Variants in HTT observed in about 807,000 individuals in gnomAD.
The protein encoded by HTT is huntingtin.
HTT carries 104 observed loss-of-function variants against 362.3 expected under a neutral mutation model. The observed-to-expected ratio is 0.29, with a 90% CI of 0.24 to 0.34. HTT has a LOEUF of 0.34. Ranked by LOEUF, HTT falls within the 10% of genes least tolerant of loss-of-function variation. The pLI, the probability that HTT is intolerant of heterozygous loss-of-function variation, is 1.00. For synonymous variants in HTT, 1,577 were observed against 1,548.7 expected, an observed-to-expected ratio of 1.02 and a Z score of -0.43; for missense variants, 3,301 against 3,928.6, an observed-to-expected ratio of 0.84 and a Z score of 4.27.
chr4:3,177,467 A>C (rs1718292476), intron 34 of HTT, 80 bp downstream of exon 34: 2 of 932,486 alleles, frequency 2.1e-6, no homozygotes, highest in African/African-American at 3.4e-5. Flanking sequence ...GTGAATGTTT[A>C]AACTACTGTT....
At chr4:3,208,475 A>G (rs1454080094) in intron 45 of HTT, among the ~76,000 whole-genome samples, 5 of 152,228 alleles carry the variant, frequency 3.3e-5, no homozygotes, top group African/African-American at 9.6e-5. Context: ...TATACTGTGT[A>G]TTGCCTGTTG....
At chr4:3,115,945 A>T in intron 7 of HTT, 140 bp from the exon 8 acceptor site, 1 of 758,312 alleles carries the variant, frequency 1.3e-6, no homozygotes. Flanking sequence ...AGCCATTCCC[A>T]GTGGGCCTCA....
chr4:3,155,751 A>AAAG (rs1717111180), intron 27 of HTT, among the ~76,000 whole-genome samples: 1 of 146,870 alleles, frequency 6.8e-6, no homozygotes, highest in Non-Finnish European at 1.5e-5. Context: ...AAAAAAAAAA[A>AAAG]GCCGGGCATG....
intron 6 of HTT, among the ~76,000 whole-genome samples, chr4:3,109,218 C>T (rs1578505347): frequency 6.6e-6 from 1 of 151,718 alleles, no homozygotes; most frequent in Non-Finnish European, 1.5e-5. Flanking sequence ...TTTCATGTTT[C>T]TTTCTTTCTT....
At chr4:3,167,152 A>G (rs947700023) in intron 29 of HTT, among the ~76,000 whole-genome samples, 10 of 152,170 alleles carry the variant, frequency 6.6e-5, no homozygotes, top group African/African-American at 2.4e-4. Flanking sequence ...GCCCACTGCA[A>G]CCTTTGCCTC....
intron 5 of HTT, 25 bp downstream of exon 5, chr4:3,105,461 GT>G: frequency 2.0e-6 from 3 of 1,508,404 alleles, no homozygotes; most frequent in Non-Finnish European, 2.8e-6. Flanking sequence ...CTGGATGTTG[GT>G]TTTTGTCGGG....
In HTT at chr4:3,240,030, C is replaced by A. The variant is rs778248380; in HGVS notation, c.9400C>A (p.Arg3134=). 1.9e-6 allele frequency: 3 copies of A among 1,597,370 alleles called. No homozygotes were observed. Among genetic ancestry groups the A allele is most frequent in the Non-Finnish European group, 2.6e-6 (3 of 1,171,390 alleles). The part of the protein sequence containing the change: ...SPYHRLLTCL[R]NVHKVTTC ...ATATCACCGGCTGCTGACTTGTTTA[C>A]GAAATGTCCACAAGGTCACCACCTG... The change falls in exon 67 of 67, where the codon CGA becomes AGA. Residue 3134 remains arginine (R), a synonymous_variant. Coordinates refer to ENST00000355072, the MANE Select transcript of HTT (RefSeq NM_001388492.1).
chr4:3,106,226 C>T lies in HTT; in HGVS notation c.608+790C>T, dbSNP rs532873674. On this transcript the variant is annotated intron_variant, in intron 5 of 66. Transcript: ENST00000355072. ...CAAAACTTAGCCAGGCATGGTGGTG[C>T]GTGCCTGTGGTCACAGCCACTCGAG... is the stretch of plus-strand genomic sequence containing the variant. 3.3e-5 allele frequency among the ~76,000 whole-genome samples: 5 copies of T among 152,222 alleles called. No homozygotes were observed. The East Asian group carries it at 9.7e-4, about 29-fold the overall frequency.
intron 8 of HTT, among the ~76,000 whole-genome samples, chr4:3,118,138 C>G (rs1040082718): frequency 1.4e-4 from 21 of 152,238 alleles, no homozygotes; most frequent in Middle Eastern, 3.4e-3. Context: ...ACACCTTTTT[C>G]TCTTCTCTGT....
At chr4:3,154,033 C>T (rs556771692) in intron 26 of HTT, among the ~76,000 whole-genome samples, 2 of 152,240 alleles carry the variant, frequency 1.3e-5, no homozygotes, top group South Asian at 4.2e-4. Flanking sequence ...CCTGAGGGCT[C>T]CTTCCATCTT....
intron 40 of HTT, among the ~76,000 whole-genome samples, 167 bp downstream of exon 40, chr4:3,189,260 A>G (rs1036345040): frequency 7.9e-5 from 12 of 152,252 alleles, no homozygotes; most frequent in Non-Finnish European, 1.3e-4. Context: ...GTGACCCAGC[A>G]GTTCCACTCT....
At chr4:3,123,828 T>C (rs979288655) in intron 10 of HTT, among the ~76,000 whole-genome samples, 3 of 152,254 alleles carry the variant, frequency 2.0e-5, no homozygotes, top group African/African-American at 4.8e-5. Context: ...TATAATCTGC[T>C]AGTTTTGGTA....
chr4:3,200,022 G>A (rs912490209), intron 41 of HTT, 83 bp downstream of exon 41: 25 of 1,127,160 alleles, frequency 2.2e-5, no homozygotes, highest in East Asian at 2.6e-5. Flanking sequence ...TTTGGCCACC[G>A]TTAAAGCATT....
At chr4:3,185,327 C>T (rs1718711304) in intron 37 of HTT, among the ~76,000 whole-genome samples, 1 of 152,148 alleles carries the variant, frequency 6.6e-6, no homozygotes, top group Non-Finnish European at 1.5e-5. Flanking sequence ...ACTGTGGGTT[C>T]TCCCAGAGTT....
chr4:3,217,377 T>C (rs1720460597), intron 51 of HTT, among the ~76,000 whole-genome samples: 1 of 152,102 alleles, frequency 6.6e-6, no homozygotes, highest in African/African-American at 2.4e-5. Flanking sequence ...TGATACTAGC[T>C]GAGGGACAGA....
chr4:3,232,997 C>T (rs1721333989), intron 60 of HTT, among the ~76,000 whole-genome samples, 166 bp from the exon 61 acceptor site: 1 of 152,264 alleles, frequency 6.6e-6, no homozygotes, highest in Admixed American at 6.5e-5. Flanking sequence ...CCAACACCAG[C>T]CAGGGGCCAG....
At chr4:3,094,193 T>G (rs1255426670) in intron 2 of HTT, among the ~76,000 whole-genome samples, 1 of 151,958 alleles carries the variant, frequency 6.6e-6, no homozygotes, top group Non-Finnish European at 1.5e-5. Context: ...ATTTAACCCT[T>G]AGTGGACACA....
chr4:3,094,702 G>GGGCGGGGGCTGCCCC, intron 2 of HTT, among the ~76,000 whole-genome samples: 1 of 135,446 alleles, frequency 7.4e-6, no homozygotes, highest in East Asian at 2.0e-4. Flanking sequence ...GCGGCTGGCC[G>GGGCGGGGGCTGCCCC]GGCGGGGGCT....
chr4:3,087,044 T>A, intron 2 of HTT, 22 bp downstream of exon 2: 1 of 1,331,056 alleles, frequency 7.5e-7, no homozygotes, highest in Non-Finnish European at 1.1e-6. Flanking sequence ...TTGAACTGTC[T>A]AGAGAAAATA....
Sources: allele counts gnomAD v4.1 joint callset (sites outside exome capture counted in the v4.1 genomes callset), GRCh38; gene constraint gnomAD v4.1.1; transcripts MANE v1.5; gene names NCBI Gene and HGNC (gene_info 2026-07-23, HGNC 2026-07-21).